The following ISG20 variants were observed in gnomAD, a reference collection of about 807,000 sequenced individuals.
ISG20 encodes interferon-stimulated gene 20 kDa protein.
Under a neutral mutation model 11.1 loss-of-function variants are expected in ISG20, and 8 were observed. The ratio of observed to expected loss-of-function variants is 0.72; its 90% CI spans 0.42 to 1.30. The LOEUF is 1.30. Among genes scored for constraint, ISG20 ranks in the 50% most tolerant of loss-of-function variants. The probability of loss-of-function intolerance (pLI) is 0.01; values close to 1 mark genes in which losing one functional copy is unlikely to be tolerated. For missense variants in ISG20, 243 were observed against 250.2 expected (o/e 0.97, Z 0.19); for synonymous variants, 110 against 101.7 (o/e 1.08, Z -0.49).
intron 2 of ISG20, among the ~76,000 whole-genome samples, chr15:88,645,044 A>G (rs1025014859): frequency 6.6e-6 from 1 of 152,012 alleles, no homozygotes; most frequent in Admixed American, 6.5e-5. Context: ...GGATATGCCA[A>G]CTCCACTCTT....
intron 2 of ISG20, among the ~76,000 whole-genome samples, chr15:88,640,144 C>G (rs891144314): frequency 6.6e-6 from 1 of 152,192 alleles, no homozygotes; most frequent in Non-Finnish European, 1.5e-5. Flanking sequence ...GTCATCTCCC[C>G]GTCTCACTTT....
chr15:88,649,469 C>T (rs1215362064), intron 2 of ISG20: 1 of 152,302 alleles, frequency 6.6e-6, no homozygotes, highest in Non-Finnish European at 1.5e-5. Flanking sequence ...GGATGAGTTC[C>T]TTCAGGGCTT....
chr15:88,644,468 G>T (rs904016912), intron 2 of ISG20, among the ~76,000 whole-genome samples: 4 of 150,366 alleles, frequency 2.7e-5, no homozygotes, highest in Non-Finnish European at 5.9e-5. Flanking sequence ...GGAGGCGGAG[G>T]TTGCTGTGAG....
Position 88,650,205 on chromosome 15 carries a change from T to C in ISG20, c.229-1905T>C, listed in dbSNP as rs780541418. The C allele has an allele frequency of 9.8e-6, 15 of 1,523,230 alleles. No homozygotes were observed. The South Asian group carries it at 1.7e-4, about 17-fold the overall frequency. 94.4% of individuals were successfully genotyped at this position (1,523,230 alleles called of 1,614,324 possible). A position where few individuals can be genotyped will look rare whatever the true frequency, so the allele number is the denominator to read the frequency against. On this transcript the variant is annotated intron_variant, in intron 2 of 3. Coordinates refer to ENST00000306072, the MANE Select transcript of ISG20 (RefSeq NM_002201.6). The surrounding 1 kb of genome is among the most constrained non-coding windows in gnomAD (Gnocchi z 4.0). ...ACTAGCCACGAGCCGCCCCTTTCCC[T>C]AATAGAGCTCACATCTGTTCTATTT...
chr15:88,654,507 A>G (rs55945643), intron 3 of ISG20, among the ~76,000 whole-genome samples: 6,254 of 152,272 alleles, frequency 0.041, 296 homozygotes, highest in African/African-American at 0.12. Flanking sequence ...GGACACCAAG[A>G]AAACGCAGCC....
chr15:88,652,105 G>T lies in ISG20; in HGVS notation c.229-5G>T. The stretch of plus-strand genomic sequence containing the variant: ...GTAGGGGTGGGCACATGTCTTCCTG[G>T]CCAGATCCTGCAGCTCCTGAAAGGC... On this transcript the variant is annotated splice_region_variant and splice_polypyrimidine_tract_variant and intron_variant, in intron 2 of 3. Coordinates refer to ENST00000306072, the MANE Select transcript of ISG20 (RefSeq NM_002201.6). The T allele has an allele frequency of 1.2e-6, 2 of 1,613,956 alleles. No homozygotes were observed. Among genetic ancestry groups the T allele is most frequent in the Non-Finnish European group, 1.7e-6 (2 of 1,179,936 alleles).
intron 2 of ISG20, chr15:88,651,551 T>G (rs8023533): frequency 0.73 from 128,749 of 175,408 alleles, 48,554 homozygotes; most frequent in Non-Finnish European, 0.82. Flanking sequence ...CAGCCTGTTT[T>G]CCTCATGTGG....
chr15:88,655,529 T>C lies in ISG20; in HGVS notation c.544T>C (p.Ter182ArgextTer29), dbSNP rs774947599. The change falls in exon 4 of 4, where the codon TGA becomes CGA. Residue 182 changes from the stop codon to arginine, a stop_lost. Coordinates refer to ENST00000306072, the MANE Select transcript of ISG20 (RefSeq NM_002201.6). Reference sequence around the variant, plus strand: ...GCTGCCCCGCCTGGCTGTGTCAGACTGAAGCCCCATCCAGCCCGTTCCGCA... The same window carrying C: ...GCTGCCCCGCCTGGCTGTGTCAGACCGAAGCCCCATCCAGCCCGTTCCGCA... ...RGLPRLAVSD* is the reference protein window; with the variant it reads ...RGLPRLAVSDR 2.5e-6 allele frequency: 4 copies of C among 1,612,778 alleles called. No homozygotes were observed. In the East Asian group the frequency reaches 6.7e-5, roughly 27 times the overall value.
intron 2 of ISG20, among the ~76,000 whole-genome samples, chr15:88,640,747 T>A (rs1203038969): frequency 2.0e-5 from 3 of 151,960 alleles, no homozygotes; most frequent in Non-Finnish European, 4.4e-5. Flanking sequence ...ATGGGTGGCT[T>A]GAGCTCAGGA....
Position 88,656,383 on chromosome 15 carries a change from A to G in ISG20, c.*852A>G, listed in dbSNP as rs899073049. Reference sequence around the variant, plus strand: ...CTGTATGGGGAGGAGGGTCTGGACCAGAGCTGTCCCTGATCGCTAGAATCA... The same window carrying G: ...CTGTATGGGGAGGAGGGTCTGGACCGGAGCTGTCCCTGATCGCTAGAATCA... On this transcript the variant is annotated 3_prime_UTR_variant, in exon 4 of 4. Coordinates refer to ENST00000306072, the MANE Select transcript of ISG20 (RefSeq NM_002201.6). 1.3e-5 allele frequency: 2 copies of G among 152,174 alleles called. No homozygotes were observed. The highest frequency in any genetic ancestry group is 4.8e-5 in the African/African-American group (2 of 41,438). The allele number at this position is 152,174 out of a possible 1,614,324, so 9.4% of individuals were successfully genotyped here. A position where few individuals can be genotyped will look rare whatever the true frequency, so the allele number is the denominator to read the frequency against.
Position 88,650,114 on chromosome 15 carries a change from A to C in ISG20, c.229-1996A>C, listed in dbSNP as rs978197699. ...AAGGCTCTTTCCTGGTGTACAGGCTAAGGTCGTGGGCTACATGCAGAGAAG... is the reference window on the plus strand; with the variant it reads ...AAGGCTCTTTCCTGGTGTACAGGCTCAGGTCGTGGGCTACATGCAGAGAAG... On this transcript the variant is annotated intron_variant, in intron 2 of 3. Coordinates refer to ENST00000306072, the MANE Select transcript of ISG20 (RefSeq NM_002201.6). This position sits in a 1 kb window ranked among gnomAD's most constrained non-coding sequence, Gnocchi z 4.0. 2.5e-6 allele frequency: 2 copies of C among 795,140 alleles called. No individual in the cohort carries two copies. The highest frequency in any genetic ancestry group is 4.2e-6 in the Non-Finnish European group (2 of 476,392). 49.3% of individuals were successfully genotyped at this position (795,140 alleles called of 1,614,324 possible).
chr15:88,635,680 C>T (rs1258382546), upstream of ISG20, among the ~76,000 whole-genome samples: 3 of 152,162 alleles, frequency 2.0e-5, no homozygotes, highest in East Asian at 1.9e-4. Flanking sequence ...GAGAATGGTG[C>T]CACGTGTGGT....
intron 2 of ISG20, among the ~76,000 whole-genome samples, chr15:88,640,457 AGGCAG>A (rs2058061107): frequency 1.3e-5 from 2 of 152,228 alleles, no homozygotes; most frequent in Non-Finnish European, 2.9e-5. Flanking sequence ...CAGCCCTGCC[AGGCAG>A]GTCCTCAGGA....
intron 2 of ISG20, chr15:88,649,960 TCTC>T (rs1459905728): frequency 2.2e-6 from 1 of 461,360 alleles, no homozygotes; most frequent in African/African-American, 2.0e-5. Flanking sequence ...GCAAGTCACA[TCTC>T]CTCTCTGAGC....
intron 3 of ISG20, among the ~76,000 whole-genome samples, chr15:88,653,354 CAGA>C (rs766674853): frequency 1.2e-4 from 18 of 152,072 alleles, no homozygotes; most frequent in Non-Finnish European, 2.4e-4. Flanking sequence ...TCAAGGAGGG[CAGA>C]AGAAGGCATA....
Position 88,650,554 on chromosome 15 carries a change from A to G in ISG20, c.229-1556A>G. The G allele has an allele frequency of 2.8e-6, 3 of 1,059,150 alleles. No homozygotes were observed. Among genetic ancestry groups the G allele is most frequent in the Non-Finnish European group, 3.8e-6 (3 of 786,420 alleles). 65.6% of individuals were successfully genotyped at this position (1,059,150 alleles called of 1,614,324 possible). A position where few individuals can be genotyped will look rare whatever the true frequency, so the allele number is the denominator to read the frequency against. On this transcript the variant is annotated intron_variant, in intron 2 of 3. Transcript: ENST00000306072. The surrounding 1 kb of genome is among the most constrained non-coding windows in gnomAD (Gnocchi z 4.0). ...AAACTTACCGGTTCAAACAATGTCA[A>G]TACTTATTTCGCTCGGCCACCTGCA...
chr15:88,645,059 C>T (rs544518800), intron 2 of ISG20, among the ~76,000 whole-genome samples: 4 of 152,260 alleles, frequency 2.6e-5, no homozygotes, highest in African/African-American at 4.8e-5. Flanking sequence ...ACTCTTTAAG[C>T]GTGTGACACG....
intron 3 of ISG20, among the ~76,000 whole-genome samples, chr15:88,653,494 G>A (rs1332873321): frequency 4.6e-5 from 7 of 152,112 alleles, no homozygotes; most frequent in Admixed American, 4.6e-4. Flanking sequence ...GCTGAGTCTG[G>A]GCCTGTTAGC....
In ISG20 at chr15:88,650,430, G is replaced by A. The variant is rs556944810; in HGVS notation, c.229-1680G>A. ...CTGGCTCAGTGTGGCAGTGGCAGGC[G>A]GGCTCTGGATTCATCCCACTGGCTT... On this transcript the variant is annotated intron_variant, in intron 2 of 3. Transcript: ENST00000306072. This position sits in a 1 kb window ranked among gnomAD's most constrained non-coding sequence, Gnocchi z 4.0. 4.3e-5 allele frequency: 64 copies of A among 1,490,354 alleles called. No individual in the cohort carries two copies. The highest frequency in any genetic ancestry group is 3.0e-4 in the Admixed American group (14 of 47,338). The allele number at this position is 1,490,354 out of a possible 1,614,324, so 92.3% of individuals were successfully genotyped here. A position where few individuals can be genotyped will look rare whatever the true frequency, so the allele number is the denominator to read the frequency against.
Sources: gnomAD v4.1 joint callset for allele counts (sites outside exome capture counted in the v4.1 genomes callset) on GRCh38, gnomAD v4.1.1 for gene constraint, Gnocchi (gnomAD v3.1) non-coding constraint, MANE v1.5 for transcripts, NCBI Gene and HGNC (gene_info 2026-07-23, HGNC 2026-07-21) for gene names.